Variants in SCARB2 observed in about 807,000 individuals in gnomAD.
SCARB2 encodes the protein lysosome membrane protein 2.
In SCARB2, 29 loss-of-function variants were observed where a neutral mutation model predicts 58.6. The ratio of observed to expected loss-of-function variants is 0.49; its 90% CI spans 0.37 to 0.67. The LOEUF (loss-of-function observed/expected upper bound fraction) is 0.67. Ranked by LOEUF, SCARB2 falls within the 30% of genes least tolerant of loss-of-function variation. SCARB2 has a pLI of 0.00. For missense variants in SCARB2, 488 were observed against 578.5 expected (o/e 0.84, Z 1.60); for synonymous variants, 195 against 210.1 (o/e 0.93, Z 0.62).
chr4:76,208,295 T>C (rs1732968837), intron 1 of SCARB2, among the ~76,000 whole-genome samples: 1 of 152,214 alleles, frequency 6.6e-6, no homozygotes, highest in Admixed American at 6.5e-5. Flanking sequence ...AAAATAAACT[T>C]AATATGATTT....
At chr4:76,198,304 C>T (rs1365577993) in intron 1 of SCARB2, among the ~76,000 whole-genome samples, 1 of 152,316 alleles carries the variant, frequency 6.6e-6, no homozygotes, top group South Asian at 2.1e-4. Flanking sequence ...GAACAGATGG[C>T]TAACCTCCCT....
chr4:76,225,720 T>C (rs1578751492), intron 1 of SCARB2, among the ~76,000 whole-genome samples: 1 of 152,218 alleles, frequency 6.6e-6, no homozygotes, highest in Non-Finnish European at 1.5e-5. Context: ...ACCACCCCTG[T>C]ATCCCTGGTA....
At chr4:76,207,573 CTTT>C (rs1179412475) in intron 1 of SCARB2, among the ~76,000 whole-genome samples, 4 of 152,176 alleles carry the variant, frequency 2.6e-5, no homozygotes, top group Non-Finnish European at 5.9e-5. Flanking sequence ...CTAAAGTGGT[CTTT>C]ATTTTTCCTT....
At chr4:76,194,415 AT>A in intron 2 of SCARB2, 1 of 152,280 alleles carries the variant, frequency 6.6e-6, no homozygotes, top group South Asian at 2.1e-4. Flanking sequence ...AGGAGGTCCT[AT>A]TTTTATCCCC....
In SCARB2 at chr4:76,181,100, C is replaced by T. The variant is rs145870223; in HGVS notation, c.277G>A (p.Glu93Lys). The T allele has an allele frequency of 1.8e-4, 294 of 1,613,272 alleles. 1 individual carries two copies. The Middle Eastern group carries it at 3.6e-3, about 20-fold the overall frequency. Residue 93 changes from glutamate to lysine, a missense_variant and splice_region_variant, in exon 3 of 12, where the codon GAA becomes AAA. Coordinates refer to ENST00000264896, the MANE Select transcript of SCARB2 (RefSeq NM_005506.4). ...VEEVGPYTYR[E>K]LRNKANIQFG... ...TGAATATTTGCTTTGTTTCTGAGTT[C>T]CCTAAAAGAAAGAAAAGGGTTTTAT... is the stretch of plus-strand genomic sequence containing the variant.
At chr4:76,214,026 G>A, upstream of SCARB2, 1 of 270,468 alleles carries the variant, frequency 3.7e-6, no homozygotes, top group South Asian at 2.8e-5. Flanking sequence ...GCCAGGCCCG[G>A]CCTGGCCGCT....
chr4:76,221,520 A>G (rs2109979925), intron 1 of SCARB2, among the ~76,000 whole-genome samples: 1 of 152,190 alleles, frequency 6.6e-6, no homozygotes, highest in East Asian at 1.9e-4. Context: ...GGATTTCATC[A>G]CACTGGCCAG....
At chr4:76,222,417 G>A (rs1480214580) in intron 1 of SCARB2, among the ~76,000 whole-genome samples, 1 of 152,140 alleles carries the variant, frequency 6.6e-6, no homozygotes, top group South Asian at 2.1e-4. Flanking sequence ...TAGTACAGAC[G>A]GGGTTTCACC....
chr4:76,162,662 A>C (rs1731923683), intron 11 of SCARB2: 1 of 161,192 alleles, frequency 6.2e-6, no homozygotes, highest in African/African-American at 2.4e-5. Context: ...CTTGCTCTAT[A>C]ATCTTGGAGC....
At chr4:76,229,837 A>G (rs1227781237) in intron 1 of SCARB2, among the ~76,000 whole-genome samples, 1 of 152,152 alleles carries the variant, frequency 6.6e-6, no homozygotes, top group Non-Finnish European at 1.5e-5. Context: ...TGAAGTTTTT[A>G]TGTGGACAGA....
Position 76,166,204 on chromosome 4 carries a change from TTC to T in SCARB2, c.1239+44_1239+45del. ...AACAGTAGACATCATAATGGATTTT[TTC>T]TGAGTCTGAAAACACCCGTGGCTCC... On this transcript the variant is annotated intron_variant, in intron 10 of 11. Coordinates refer to ENST00000264896, the MANE Select transcript of SCARB2 (RefSeq NM_005506.4). The T allele has an allele frequency of 1.9e-6, 3 of 1,587,398 alleles. No individual in the cohort carries two copies. The African/African-American group carries it at 4.0e-5, about 21-fold the overall frequency.
At chr4:76,202,509 C>T (rs1732849571) in intron 1 of SCARB2, among the ~76,000 whole-genome samples, 1 of 152,190 alleles carries the variant, frequency 6.6e-6, no homozygotes. Flanking sequence ...GATCTGCCCA[C>T]CTCAGCCTCC....
intron 1 of SCARB2, among the ~76,000 whole-genome samples, chr4:76,197,459 G>A (rs1578734149): frequency 6.6e-6 from 1 of 152,192 alleles, no homozygotes; most frequent in East Asian, 1.9e-4. Flanking sequence ...GTGTAGACTA[G>A]TCCTAAAGCG....
chr4:76,229,580 T>G (rs1354990788), intron 1 of SCARB2, among the ~76,000 whole-genome samples: 1 of 152,242 alleles, frequency 6.6e-6, no homozygotes, highest in Non-Finnish European at 1.5e-5. Context: ...CGTGGCTTTC[T>G]GGGAGCTGAA....
At chr4:76,186,029 T>C (rs1732479019) in intron 2 of SCARB2, among the ~76,000 whole-genome samples, 1 of 152,210 alleles carries the variant, frequency 6.6e-6, no homozygotes, top group Non-Finnish European at 1.5e-5. Context: ...GTGCAACGGC[T>C]TGTGCTAAGC....
At chr4:76,209,936 T>C (rs1392238033) in intron 1 of SCARB2, among the ~76,000 whole-genome samples, 2 of 152,148 alleles carry the variant, frequency 1.3e-5, no homozygotes, top group Non-Finnish European at 2.9e-5. Flanking sequence ...TGCATCCCTA[T>C]TACTGGGAGA....
chr4:76,223,687 G>C (rs1270482883), intron 1 of SCARB2, among the ~76,000 whole-genome samples: 1 of 152,176 alleles, frequency 6.6e-6, no homozygotes, highest in Non-Finnish European at 1.5e-5. Flanking sequence ...CATGAGTAGA[G>C]TAAAGTGTGA....
At chr4:76,202,666 T>TCCACACTATCGCTG (rs1324082275) in intron 1 of SCARB2, among the ~76,000 whole-genome samples, 117 of 152,328 alleles carry the variant, frequency 7.7e-4, no homozygotes, top group African/African-American at 2.8e-3. Flanking sequence ...AGGAACAAAA[T>TCCACACTATCGCTG]TTAAATCCCC....
Position 76,163,397 on chromosome 4 carries a change from A to AAAAT in SCARB2, c.1240-18_1240-15dup, listed in dbSNP as rs772108025. 6.2e-7 allele frequency: 1 copy of AAAAT among 1,614,096 alleles called. No individual in the cohort carries two copies. Among genetic ancestry groups the AAAAT allele is most frequent in the Non-Finnish European group, 8.5e-7 (1 of 1,179,980 alleles). ...AATGTGAACACTCTGGAGAGGCAAG[A>AAAAT]AAATAGTATTCTTGATGACTAAACA... On this transcript the variant is annotated splice_polypyrimidine_tract_variant and intron_variant, in intron 10 of 11. Coordinates refer to ENST00000264896, the MANE Select transcript of SCARB2 (RefSeq NM_005506.4).
Sources: allele counts gnomAD v4.1 joint callset (sites outside exome capture counted in the v4.1 genomes callset), GRCh38; gene constraint gnomAD v4.1.1; transcripts MANE v1.5; gene names NCBI Gene and HGNC (gene_info 2026-07-23, HGNC 2026-07-21).